IBTK: variants seen among roughly 807,000 people sequenced by gnomAD.
IBTK encodes the protein inhibitor of Bruton tyrosine kinase, also known as BTK-binding protein.
IBTK carries 83 observed loss-of-function variants against 154.9 expected under a neutral mutation model. That is an observed-to-expected ratio of 0.54 (90% CI 0.45 to 0.64). The LOEUF is 0.64. IBTK is among the 30% of genes least tolerant of loss of function. The pLI is 0.00. For synonymous variants in IBTK, 515 were observed against 536.1 expected (o/e 0.96, Z 0.54); for missense variants, 1,332 against 1,584.6 (o/e 0.84, Z 2.71).
chr6:82,189,196 C>T (rs1768668537), intron 25 of IBTK, among the ~76,000 whole-genome samples: 1 of 151,766 alleles, frequency 6.6e-6, no homozygotes, highest in Non-Finnish European at 1.5e-5. Context: ...ATTAAAAGAG[C>T]CCAAGTACCC....
intron 25 of IBTK, among the ~76,000 whole-genome samples, chr6:82,184,980 C>T (rs983742472): frequency 2.0e-5 from 3 of 151,672 alleles, no homozygotes; most frequent in Non-Finnish European, 4.4e-5. Context: ...GTCAGGAGTT[C>T]GAAACCAGCC....
chr6:82,232,548 G>T (rs1770547888), intron 3 of IBTK, among the ~76,000 whole-genome samples: 1 of 152,212 alleles, frequency 6.6e-6, no homozygotes, highest in African/African-American at 2.4e-5. Flanking sequence ...CTGCAATGCA[G>T]TATCCAGGGT....
At chr6:82,223,729 T>G (rs1206907470) in intron 7 of IBTK, 109 bp from the exon 8 acceptor site, 2 of 866,464 alleles carry the variant, frequency 2.3e-6, no homozygotes, top group African/African-American at 3.4e-5. Flanking sequence ...GAGGCCAAGG[T>G]GGGCAGATCC....
rs1268567716 is a variant in IBTK at position 82,181,975 on chromosome 6, T to G, written c.3629A>C (p.Glu1210Ala). The G allele has an allele frequency of 4.4e-6, 7 of 1,606,828 alleles. No individual in the cohort carries two copies. The East Asian group carries it at 1.6e-4, about 36-fold the overall frequency. The stretch of plus-strand genomic sequence containing the variant: ...ATGGCTAGTAACAGACTTTTTTTCT[T>G]CTAGTAAGAAATCCCGGAATGACTT... The part of the protein sequence containing the change: ...SSKSFRDFLL[E>A]EKKSVTSHSS... The change falls in exon 26 of 29, where the codon GAA becomes GCA. Residue 1210 changes from glutamate to alanine, a missense_variant. This residue lies in a region of IBTK where 1,134 missense variants were observed against 1,274.7 expected (regional missense o/e 0.89). Transcript: ENST00000306270.
At chr6:82,206,801 A>G (rs934968535) in intron 16 of IBTK, among the ~76,000 whole-genome samples, 4 of 152,210 alleles carry the variant, frequency 2.6e-5, no homozygotes, top group Non-Finnish European at 5.9e-5. Flanking sequence ...TGAAAAATCA[A>G]TCAATATAAT....
Position 82,216,127 on chromosome 6 carries a change from G to C in IBTK, c.1550C>G (p.Thr517Arg). 1 of 1,613,648 alleles carries C rather than the reference G, an allele frequency of 6.2e-7. No individual in the cohort carries two copies. The highest frequency in any genetic ancestry group is 8.5e-7 in the Non-Finnish European group (1 of 1,179,810). The change falls in exon 11 of 29, where the codon ACA (threonine) becomes AGA (arginine). Residue 517 changes from threonine to arginine, a missense_variant. Transcript: ENST00000306270. The part of the protein sequence containing the change: ...TFAHRAVSVS[T>R]DPSGCNFAIL... ...TGCAAAGTTGCATCCACTTGGATCT[G>C]TGCTGACACTAACAGCTCTATGTGC...
intron 2 of IBTK, among the ~76,000 whole-genome samples, chr6:82,237,754 C>G (rs1289408161): frequency 6.6e-6 from 1 of 150,946 alleles, no homozygotes; most frequent in Non-Finnish European, 1.5e-5. Flanking sequence ...TTTACTATTA[C>G]TATATAATAA....
intron 9 of IBTK, among the ~76,000 whole-genome samples, chr6:82,220,163 T>A (rs941118029): frequency 2.0e-5 from 3 of 152,128 alleles, no homozygotes. Context: ...TGAGCCGACA[T>A]CATGACACTG....
At chr6:82,190,687 A>G (rs1397076112) in intron 25 of IBTK, among the ~76,000 whole-genome samples, 1 of 151,974 alleles carries the variant, frequency 6.6e-6, no homozygotes, top group Non-Finnish European at 1.5e-5. Flanking sequence ...GTATAAATAA[A>G]GTTTTCTTTT....
At chr6:82,182,761 C>G (rs1473328985) in intron 25 of IBTK, among the ~76,000 whole-genome samples, 2 of 152,134 alleles carry the variant, frequency 1.3e-5, no homozygotes, top group Non-Finnish European at 2.9e-5. Flanking sequence ...CATAGAAACA[C>G]AACACAGAAT....
intron 16 of IBTK, among the ~76,000 whole-genome samples, chr6:82,208,105 C>T (rs1239244293): frequency 6.7e-6 from 1 of 148,768 alleles, no homozygotes; most frequent in Non-Finnish European, 1.5e-5. Context: ...AGGACTAGAT[C>T]TCAAGTACTC....
intron 1 of IBTK, among the ~76,000 whole-genome samples, chr6:82,243,238 C>CAA (rs200210329): frequency 1.2e-4 from 7 of 60,768 alleles, no homozygotes; most frequent in Admixed American, 1.6e-4. Flanking sequence ...GACTCTGTCT[C>CAA]AAAAAAAAAA....
rs1350472114 is a variant in IBTK at position 82,225,495 on chromosome 6, A to G, written c.807T>C (p.Ser269=). 8 of 1,612,968 alleles carry G rather than the reference A, an allele frequency of 5.0e-6. No individual in the cohort carries two copies. The change falls in exon 6 of 29, where the codon AGT becomes AGC. Residue 269 remains serine (S), a synonymous_variant. Coordinates refer to ENST00000306270, the MANE Select transcript of IBTK (RefSeq NM_015525.4). Reference sequence around the variant, plus strand: ...AGCTTACCTGTCTGGGTACATTACAACTGGAAGGCGGTGGAATAATTCCTA... The same window carrying G: ...AGCTTACCTGTCTGGGTACATTACAGCTGGAAGGCGGTGGAATAATTCCTA... The part of the protein sequence containing the change: ...HQLGIIPPPS[S]CNVPRQIQAK...
At position 82,189,783 on chromosome 6, in the gene IBTK, T is replaced by C. The variant is rs1001271150; in HGVS notation, c.3575+1290A>G. ...ATGATTGATGGCATGCTTACAGCTA[T>C]ATTACCAAGTCCAAAGCTTCATCAT... On this transcript the variant is annotated intron_variant, in intron 25 of 28. Transcript: ENST00000306270. Among the ~76,000 whole-genome samples the C allele has an allele frequency of 5.3e-5, 8 of 152,248 alleles. 1 individual carries two copies. Among genetic ancestry groups the C allele is most frequent in the Admixed American group, 4.6e-4 (7 of 15,284 alleles).
intron 4 of IBTK, among the ~76,000 whole-genome samples, chr6:82,228,578 T>G (rs1770378401): frequency 6.6e-6 from 1 of 152,072 alleles, no homozygotes; most frequent in Non-Finnish European, 1.5e-5. Context: ...AAACAACAGT[T>G]GCAATACTAG....
chr6:82,194,760 A>C, intron 22 of IBTK, 118 bp from the exon 23 acceptor site: 1 of 657,526 alleles, frequency 1.5e-6, no homozygotes, highest in Non-Finnish European at 2.2e-6. Flanking sequence ...TTATGACAAT[A>C]AGCCATCTAG....
chr6:82,242,969 C>A (rs1165024558), intron 1 of IBTK, among the ~76,000 whole-genome samples: 1 of 151,636 alleles, frequency 6.6e-6, no homozygotes, highest in Admixed American at 6.6e-5. Context: ...AAGACGGGCA[C>A]GGTGGCTCAT....
intron 21 of IBTK, among the ~76,000 whole-genome samples, chr6:82,199,751 A>C (rs1021867067): frequency 2.0e-5 from 3 of 152,204 alleles, no homozygotes; most frequent in South Asian, 2.1e-4. Context: ...AGTTTGGCAT[A>C]TAAGAGCCTC....
At position 82,231,810 on chromosome 6, in the gene IBTK, T is replaced by C; in HGVS notation, c.451A>G (p.Thr151Ala). The change falls in exon 4 of 29, where the codon ACA becomes GCA. Residue 151 changes from threonine (T) to alanine (A), a missense_variant. By Grantham distance (58) the Thr-to-Ala change is moderately conservative. Around this residue, in one of 3 missense-constraint regions of IBTK, gnomAD observed 114 missense variants for 213.7 expected, o/e 0.53. Transcript: ENST00000306270. ...CTTCCATGACCCAGGGTAAAATTTG[T>C]ATTATCGCCCCAAGTATAAACATCT... Reference protein sequence around the residue: ...PTDVYTWGDNTNFTLGHGSQN... With the variant: ...PTDVYTWGDNANFTLGHGSQN... 1 of 1,598,880 alleles carries C rather than the reference T, an allele frequency of 6.3e-7. No individual in the cohort carries two copies. The highest frequency in any genetic ancestry group is 1.7e-5 in the Admixed American group (1 of 59,464).
Sources: allele counts gnomAD v4.1 joint callset (sites outside exome capture counted in the v4.1 genomes callset), GRCh38; gene constraint gnomAD v4.1.1; regional missense constraint gnomAD v4.1.1; transcripts MANE v1.5; gene names NCBI Gene and HGNC (gene_info 2026-07-23, HGNC 2026-07-21).